The following ZNF44 variants were observed in gnomAD, a reference collection of about 807,000 sequenced individuals.
ZNF44 encodes the protein gonadotropin inducible transcription repressor-2.
A neutral mutation model predicts 11.7 loss-of-function variants in ZNF44; 9 were observed. The observed-to-expected ratio is 0.77, with a 90% CI of 0.46 to 1.35. The LOEUF (loss-of-function observed/expected upper bound fraction) is 1.35, where lower values mean the gene tolerates loss of function less well. ZNF44 is among the 40% of genes most tolerant of loss of function. The pLI, the probability that ZNF44 is intolerant of heterozygous loss-of-function variation, is 0.00. For missense variants in ZNF44, 696 were observed against 743.1 expected (o/e 0.94, Z 0.74); for synonymous variants, 224 against 242.7 (o/e 0.92, Z 0.72).
At chr19:12,246,630 T>C (rs1916773998), downstream of ZNF44, among the ~76,000 whole-genome samples, 1 of 152,190 alleles carries the variant, frequency 6.6e-6, no homozygotes, top group African/African-American at 2.4e-5. Flanking sequence ...CTACCAATTA[T>C]ACTTCTGCAC....
At chr19:12,229,428 C>T (rs1916063381) in intron 3 of ZNF44, among the ~76,000 whole-genome samples, 1 of 152,076 alleles carries the variant, frequency 6.6e-6, no homozygotes, top group East Asian at 1.9e-4. Flanking sequence ...GGATCCCAGG[C>T]CACCAGAAAC....
At chr19:12,248,993 A>G (rs1599497014) in intron 7 of ZNF44, among the ~76,000 whole-genome samples, 1 of 150,812 alleles carries the variant, frequency 6.6e-6, no homozygotes. Context: ...GCTCACTGCA[A>G]CCTCTGCCAC....
In ZNF44 at chr19:12,266,640, T is replaced by C. The variant is rs1203945473; in HGVS notation, c.1912+5847A>G. 2.6e-5 allele frequency among the ~76,000 whole-genome samples: 4 copies of C among 152,260 alleles called. 1 individual carries two copies. Among genetic ancestry groups the C allele is most frequent in the Admixed American group, 2.6e-4 (4 of 15,298 alleles). ...ATTCTTGACCATTGCCCTTGCCAGC[T>C]TGGGCATCCTCCCTGATCCATTTTC... On this transcript the variant is annotated intron_variant and NMD_transcript_variant, in intron 5 of 7. Transcript: ENST00000393337.
At chr19:12,268,700 A>C (rs1422919500), downstream of ZNF44, among the ~76,000 whole-genome samples, 3 of 151,178 alleles carry the variant, frequency 2.0e-5, no homozygotes, top group Admixed American at 6.6e-5. Flanking sequence ...CCTCCCACCC[A>C]GTAACTGGGA....
chr19:12,243,192 TAC>T (rs1433494726), downstream of ZNF44, among the ~76,000 whole-genome samples: 3 of 152,356 alleles, frequency 2.0e-5, 1 homozygote, highest in South Asian at 4.1e-4. Context: ...GTTCATGATG[TAC>T]AGTTATGTTT....
rs1224971737 is a variant in ZNF44 at position 12,273,152 on chromosome 19, T to G, written c.1103A>C (p.Lys368Thr). The change falls in exon 4 of 4, where the codon AAG becomes ACG. Residue 368 changes from lysine to threonine, a missense_variant. Physicochemically the swap from Lys to Thr is moderately conservative, Grantham distance 78 (BLOSUM62 -1). Coordinates refer to ENST00000355684, the MANE Select transcript of ZNF44 (RefSeq NM_016264.4). ...ATGAGATAACAATTTCCCACATTGC[T>G]TACATTCATAGGGTTTCTCTAGAGT... Reference protein sequence around the residue: ...THTLEKPYECKQCGKLLSHRS... With the variant: ...THTLEKPYECTQCGKLLSHRS... The G allele has an allele frequency of 6.2e-7, 1 of 1,613,762 alleles. No individual in the cohort carries two copies. Among genetic ancestry groups the G allele is most frequent in the East Asian group, 2.2e-5 (1 of 44,884 alleles).
intron 1 of ZNF44, among the ~76,000 whole-genome samples, chr19:12,294,078 G>GA (rs1222632896): frequency 6.6e-6 from 1 of 152,180 alleles, no homozygotes; most frequent in Non-Finnish European, 1.5e-5. Context: ...AGATCTCTGA[G>GA]AGTTGCTCAA....
At chr19:12,294,608 G>A in intron 1 of ZNF44, 84 bp downstream of exon 1, 10 of 1,520,008 alleles carry the variant, frequency 6.6e-6, no homozygotes, top group Non-Finnish European at 8.8e-6. Flanking sequence ...GCTGCGGCGA[G>A]GCCCGGGTCC....
chr19:12,273,272 ATG>A lies in ZNF44; in HGVS notation c.981_982del (p.Met328AspfsTer10), dbSNP rs1265557597. 1 of 1,613,490 alleles carries A rather than the reference ATG, an allele frequency of 6.2e-7. No individual in the cohort carries two copies. Among genetic ancestry groups the A allele is most frequent in the Non-Finnish European group, 8.5e-7 (1 of 1,179,916 alleles). ...AGGTCCATCTCCACTGTGCATTATC[ATG>A]TGTCTTTGAAAGCTTCCAAGATGAC... is the stretch of plus-strand genomic sequence containing the variant. On this transcript the variant is annotated frameshift_variant, in exon 4 of 4. Coordinates refer to ENST00000355684, the MANE Select transcript of ZNF44 (RefSeq NM_016264.4). LOFTEE classifies it low-confidence loss of function (END_TRUNC).
intron 3 of ZNF44, among the ~76,000 whole-genome samples, chr19:12,226,769 TAA>T (rs1282496903): frequency 6.6e-6 from 1 of 152,208 alleles, no homozygotes; most frequent in Non-Finnish European, 1.5e-5. Context: ...AGCAATACGT[TAA>T]AAAGATCACT....
At chr19:12,263,628 A>C (rs1018744387) in intron 5 of ZNF44, among the ~76,000 whole-genome samples, 3 of 151,952 alleles carry the variant, frequency 2.0e-5, no homozygotes, top group Non-Finnish European at 2.9e-5. Flanking sequence ...AAAAAACAAA[A>C]AAACAAAAAA....
intron 1 of ZNF44, among the ~76,000 whole-genome samples, chr19:12,283,976 G>C (rs546710796): frequency 6.6e-6 from 1 of 152,252 alleles, no homozygotes; most frequent in South Asian, 2.1e-4. Flanking sequence ...GACAGAGCTG[G>C]ACATTATCTA....
At chr19:12,292,107 T>A (rs1012537012) in intron 1 of ZNF44, among the ~76,000 whole-genome samples, 1 of 151,826 alleles carries the variant, frequency 6.6e-6, no homozygotes, top group African/African-American at 2.4e-5. Flanking sequence ...GGCAGGAGGA[T>A]CACTTGAGCC....
chr19:12,260,110 G>T, intron 5 of ZNF44: 3 of 673,662 alleles, frequency 4.5e-6, no homozygotes, highest in South Asian at 4.3e-5. Context: ...CCGCCACTGC[G>T]AGAGGAGCCG....
chr19:12,247,647 G>A (rs1916810360), exon 8 of ZNF44: 2 of 1,344,172 alleles, frequency 1.5e-6, no homozygotes, highest in African/African-American at 1.5e-5. Flanking sequence ...ATGTCTTCGG[G>A]CAGAACTGCA....
At chr19:12,271,689 A>T (rs909056848), downstream of ZNF44, 1 of 152,214 alleles carries the variant, frequency 6.6e-6, no homozygotes, top group Admixed American at 6.5e-5. Context: ...GAAACAAGAA[A>T]CTGTAACATT....
downstream of ZNF44, among the ~76,000 whole-genome samples, chr19:12,269,017 T>A (rs1014020541): frequency 1.4e-4 from 21 of 152,114 alleles, no homozygotes; most frequent in African/African-American, 4.8e-4. Context: ...GTGTTGGGAT[T>A]ACAGGCTTGA....
At chr19:12,227,271 C>T (rs1016733124) in intron 3 of ZNF44, among the ~76,000 whole-genome samples, 2 of 151,940 alleles carry the variant, frequency 1.3e-5, no homozygotes, top group Non-Finnish European at 2.9e-5. Flanking sequence ...TTAAAGAGGA[C>T]CAAAACAAGA....
chr19:12,252,878 CTTTTTT>C (rs753388314), intron 5 of ZNF44, among the ~76,000 whole-genome samples: 3 of 78,644 alleles, frequency 3.8e-5, no homozygotes, highest in African/African-American at 5.3e-5. Context: ...CTACAAGAAA[CTTTTTT>C]TTTTTTTTTT....
Sources: gnomAD v4.1 joint callset for allele counts (sites outside exome capture counted in the v4.1 genomes callset) on GRCh38, gnomAD v4.1.1 for gene constraint, MANE v1.5 for transcripts, NCBI Gene and HGNC (gene_info 2026-07-23, HGNC 2026-07-21) for gene names.